Variants in UGT1A8 observed in about 807,000 individuals in gnomAD.
UGT1A8 encodes the protein UDP glucuronosyltransferase family 1 member A8.
In UGT1A8, 39 loss-of-function variants were observed where a neutral mutation model predicts 45.3. The ratio of observed to expected loss-of-function variants is 0.86; its 90% confidence interval spans 0.67 to 1.12. UGT1A8 has a LOEUF of 1.12. Among genes scored for constraint, UGT1A8 ranks in the 50% most tolerant of loss-of-function variants. UGT1A8 has a pLI of 0.00. For missense variants in UGT1A8, 719 were observed against 664.9 expected (o/e 1.08, Z -0.90); for synonymous variants, 275 against 249.2 (o/e 1.10, Z -0.97).
At chr2:233,664,510 G>A (rs2074035862) in intron 1 of UGT1A8, among the ~76,000 whole-genome samples, 1 of 152,138 alleles carries the variant, frequency 6.6e-6, no homozygotes, top group South Asian at 2.1e-4. Flanking sequence ...GTACAAGCAT[G>A]GCGCTGCCAT....
intron 1 of UGT1A8, chr2:233,747,395 C>CA (rs1422981033): frequency 1.9e-6 from 3 of 1,606,350 alleles, no homozygotes; most frequent in Non-Finnish European, 2.6e-6. Context: ...CGGTGGTCCT[C>CA]ACCCCAGAGG....
At chr2:233,647,993 A>G in intron 1 of UGT1A8, 24 of 1,608,134 alleles carry the variant, frequency 1.5e-5, no homozygotes, top group Non-Finnish European at 2.0e-5. Context: ...CTCAGGGGGC[A>G]TGAGGTGGTT....
intron 1 of UGT1A8, chr2:233,750,580 C>T (rs1288266277): frequency 6.6e-6 from 1 of 151,936 alleles, no homozygotes; most frequent in African/African-American, 2.4e-5. Flanking sequence ...CCATCACAGG[C>T]CTGGAGGCCT....
chr2:233,654,845 A>C (rs1195394598), intron 1 of UGT1A8, among the ~76,000 whole-genome samples: 1 of 152,224 alleles, frequency 6.6e-6, no homozygotes, highest in Non-Finnish European at 1.5e-5. Flanking sequence ...TAATCCCTGC[A>C]CTTAGGGAAA....
At chr2:233,623,138 T>G (rs1301653699) in intron 1 of UGT1A8, among the ~76,000 whole-genome samples, 1 of 152,026 alleles carries the variant, frequency 6.6e-6, no homozygotes, top group South Asian at 2.1e-4. Flanking sequence ...GCCTTGTGAT[T>G]TAGTTTGAAG....
At chr2:233,631,497 T>G (rs769397968) in intron 1 of UGT1A8, among the ~76,000 whole-genome samples, 1 of 152,112 alleles carries the variant, frequency 6.6e-6, no homozygotes, top group Non-Finnish European at 1.5e-5. Context: ...CTCTCCAGCA[T>G]ACGTTCTTTC....
At chr2:233,697,412 C>A (rs2075389371) in intron 1 of UGT1A8, among the ~76,000 whole-genome samples, 1 of 151,670 alleles carries the variant, frequency 6.6e-6, no homozygotes, top group African/African-American at 2.4e-5. Flanking sequence ...TCTGTGGTGT[C>A]AGTTGCTGTG....
At chr2:233,690,359 C>T (rs1370213456) in intron 1 of UGT1A8, among the ~76,000 whole-genome samples, 1 of 152,158 alleles carries the variant, frequency 6.6e-6, no homozygotes, top group Non-Finnish European at 1.5e-5. Context: ...ACCTTAGAAG[C>T]AAACCTCTCC....
At position 233,734,763 on chromosome 2, in the gene UGT1A8, C is replaced by T. The variant is rs776391017; in HGVS notation, c.856-32271C>T. Among the ~76,000 whole-genome samples, 117 of 152,240 alleles carry T rather than the reference C, an allele frequency of 7.7e-4. 1 individual carries two copies. The highest frequency in any genetic ancestry group is 1.4e-3 in the Non-Finnish European group (94 of 68,010). On this transcript the variant is annotated intron_variant, in intron 1 of 4. Transcript: ENST00000373450. ...AACATCTTTATTTCTGCCTTCACTT[C>T]GTTATTTACCCAGTAGTCATTCAGG...
chr2:233,658,741 C>T (rs1276881245), intron 1 of UGT1A8, among the ~76,000 whole-genome samples: 1 of 152,186 alleles, frequency 6.6e-6, no homozygotes, highest in Non-Finnish European at 1.5e-5. Context: ...GTCTTTTCTC[C>T]ACTGAATTGT....
chr2:233,713,124 C>T lies in UGT1A8; in HGVS notation c.856-53910C>T, dbSNP rs746932812. 81 of 1,614,064 alleles carry T rather than the reference C, an allele frequency of 5.0e-5. No individual in the cohort carries two copies. In the East Asian group the frequency reaches 1.0e-3, roughly 20 times the overall value. On this transcript the variant is annotated intron_variant, in intron 1 of 4. Coordinates refer to ENST00000373450, the MANE Select transcript of UGT1A8 (RefSeq NM_019076.5). ...TGATGGCAGCCACTGGCTCAGCATG[C>T]GGGAGGCCTTGCGGGACCTCCATGC...
At chr2:233,747,551 T>C in intron 1 of UGT1A8, 1 of 1,601,212 alleles carries the variant, frequency 6.2e-7, no homozygotes, top group Non-Finnish European at 8.6e-7. Context: ...TTTCTAAAAG[T>C]ATGGCAATTT....
chr2:233,657,411 G>A (rs1156415745), intron 1 of UGT1A8, among the ~76,000 whole-genome samples: 2 of 152,242 alleles, frequency 1.3e-5, no homozygotes, highest in Non-Finnish European at 2.9e-5. Flanking sequence ...ATGGCAGAAG[G>A]TGAATGTGGA....
At chr2:233,714,435 T>C (rs1325584515) in intron 1 of UGT1A8, among the ~76,000 whole-genome samples, 1 of 152,078 alleles carries the variant, frequency 6.6e-6, no homozygotes, top group African/African-American at 2.4e-5. Context: ...AAACACAGAG[T>C]TCAGTTTCCA....
chr2:233,681,395 A>G (rs4530361), intron 1 of UGT1A8, among the ~76,000 whole-genome samples: 51,553 of 151,486 alleles, frequency 0.34, 9,174 homozygotes, highest in South Asian at 0.41. Flanking sequence ...TTAGCTGGGC[A>G]TGGCAGCGTG....
intron 1 of UGT1A8, among the ~76,000 whole-genome samples, chr2:233,694,884 G>A (rs1016434056): frequency 2.2e-4 from 33 of 152,200 alleles, no homozygotes; most frequent in African/African-American, 8.0e-4. Flanking sequence ...CATTTGGGGG[G>A]TTCATGTGAT....
chr2:233,767,978 A>C, intron 3 of UGT1A8, 42 bp downstream of exon 3: 1 of 1,614,204 alleles, frequency 6.2e-7, no homozygotes, highest in Admixed American at 1.7e-5. Context: ...ACCAGGGTCA[A>C]ATTAAGAAAA....
chr2:233,729,041 C>T (rs1448371491), intron 1 of UGT1A8: 32 of 1,605,278 alleles, frequency 2.0e-5, no homozygotes, highest in Non-Finnish European at 2.7e-5. Flanking sequence ...CTAAGTGGCT[C>T]AGTGACAAGG....
chr2:233,745,551 C>G (rs548824716), intron 1 of UGT1A8, among the ~76,000 whole-genome samples: 2 of 151,716 alleles, frequency 1.3e-5, no homozygotes, highest in Admixed American at 6.5e-5. Context: ...GAACAAACTT[C>G]TAAGTTTATA....
Sources: gnomAD v4.1 joint callset for allele counts (sites outside exome capture counted in the v4.1 genomes callset) on GRCh38, gnomAD v4.1.1 for gene constraint, MANE v1.5 for transcripts, NCBI Gene and HGNC (gene_info 2026-07-23, HGNC 2026-07-21) for gene names.